The following CHMP5 variants were observed in gnomAD, a reference collection of about 807,000 sequenced individuals.
The protein encoded by CHMP5 is SNF7 domain containing 2.
CHMP5 carries 17 observed loss-of-function variants against 33.0 expected under a neutral mutation model. The ratio of observed to expected loss-of-function variants is 0.52; its 90% confidence interval spans 0.35 to 0.77. The LOEUF is 0.77. Among genes scored for constraint, CHMP5 ranks in the 30% least tolerant of loss-of-function variants. The pLI, the probability that CHMP5 is intolerant of heterozygous loss-of-function variation, is 0.01. For synonymous variants in CHMP5, 76 were observed against 90.2 expected, an observed-to-expected ratio of 0.84 and a Z score of 0.89; for missense variants, 216 against 261.5, an observed-to-expected ratio of 0.83 and a Z score of 1.20.
chr9:33,271,051 G>A, intron 4 of CHMP5, 101 bp from the exon 5 acceptor site: 2 of 932,180 alleles, frequency 2.1e-6, no homozygotes, highest in Non-Finnish European at 1.7e-6. Context: ...AGCCTGGGCA[G>A]CAAGAGTGCA....
chr9:33,273,659 G>C (rs952103467), intron 5 of CHMP5, among the ~76,000 whole-genome samples: 28 of 147,574 alleles, frequency 1.9e-4, no homozygotes, highest in African/African-American at 6.7e-4. Flanking sequence ...GTGTAGGTCT[G>C]TTTTTCTTCT....
chr9:33,272,920 T>C (rs1564086788), intron 5 of CHMP5, among the ~76,000 whole-genome samples: 1 of 152,244 alleles, frequency 6.6e-6, no homozygotes, highest in Non-Finnish European at 1.5e-5. Context: ...AATTAAACTT[T>C]GTGATACTCT....
intron 7 of CHMP5, 32 bp downstream of exon 7, chr9:33,278,257 A>AT: frequency 7.8e-7 from 1 of 1,283,716 alleles, no homozygotes; most frequent in Non-Finnish European, 1.1e-6. Context: ...ATTTCAATGC[A>AT]AAATAGCAAA....
intron 6 of CHMP5, chr9:33,277,848 A>C: frequency 3.3e-6 from 1 of 300,276 alleles, no homozygotes; most frequent in Non-Finnish European, 6.3e-6. Context: ...TTTTTTTTCC[A>C]CTTATTTCTT....
intron 1 of CHMP5, 51 bp downstream of exon 1, chr9:33,265,198 C>T (rs1224664647): frequency 6.4e-7 from 1 of 1,555,410 alleles, no homozygotes; most frequent in South Asian, 1.1e-5. Flanking sequence ...ACACACCCGA[C>T]CCCGCCCACC....
rs1211683342 is a variant in CHMP5, at chr9:33,281,105, C to T, written c.*246C>T. The T allele has an allele frequency of 1.2e-5, 5 of 401,174 alleles. No homozygotes were observed. The highest frequency in any genetic ancestry group is 5.9e-5 in the South Asian group (1 of 16,948). The allele number at this position is 401,174 out of a possible 1,614,324, so 24.9% of individuals were successfully genotyped here. A position where few individuals can be genotyped will look rare whatever the true frequency, so the allele number is the denominator to read the frequency against. The stretch of plus-strand genomic sequence containing the variant: ...ACTCAGTTTAAAAGTATTTTTAGCT[C>T]GTATGACTTGTTTTCATTCATTAAT... On this transcript the variant is annotated 3_prime_UTR_variant, in exon 8 of 8. Coordinates refer to ENST00000223500, the MANE Select transcript of CHMP5 (RefSeq NM_016410.6).
chr9:33,268,002 T>TAATTAC (rs1317419288), intron 3 of CHMP5, 103 bp downstream of exon 3: 2 of 780,934 alleles, frequency 2.6e-6, no homozygotes, highest in Non-Finnish European at 4.3e-6. Flanking sequence ...ACTCTTGATT[T>TAATTAC]AATTACAAAT....
At chr9:33,271,291 G>A in intron 5 of CHMP5, 68 bp downstream of exon 5, 1 of 1,254,272 alleles carries the variant, frequency 8.0e-7, no homozygotes, top group Non-Finnish European at 1.2e-6. Flanking sequence ...GAGTGTGCAT[G>A]TGATAGGAAG....
intron 7 of CHMP5, among the ~76,000 whole-genome samples, chr9:33,279,896 A>G (rs1269148007): frequency 2.0e-5 from 3 of 150,962 alleles, no homozygotes; most frequent in Non-Finnish European, 2.9e-5. Context: ...AAGTCCCTGA[A>G]GCATCTATGT....
intron 6 of CHMP5, chr9:33,277,842 T>C: frequency 3.4e-6 from 1 of 291,734 alleles, no homozygotes; most frequent in South Asian, 6.0e-5. Context: ...CTTTCATTTT[T>C]TTTCCACTTA....
chr9:33,265,653 G>T (rs1419776254), intron 1 of CHMP5, among the ~76,000 whole-genome samples: 1 of 152,210 alleles, frequency 6.6e-6, no homozygotes, highest in Non-Finnish European at 1.5e-5. Context: ...TCTACAATCA[G>T]CTGGTTTCAC....
intron 3 of CHMP5, among the ~76,000 whole-genome samples, chr9:33,270,167 G>A (rs1820776852): frequency 6.6e-6 from 1 of 152,130 alleles, no homozygotes. Context: ...CTTTTCTATA[G>A]GATGTTTAGA....
At chr9:33,267,156 G>GT (rs1216659207) in intron 2 of CHMP5, among the ~76,000 whole-genome samples, 1 of 152,184 alleles carries the variant, frequency 6.6e-6, no homozygotes, top group Non-Finnish European at 1.5e-5. Flanking sequence ...AATAATACCT[G>GT]TTTTTCCTTC....
intron 1 of CHMP5, 55 bp downstream of exon 1, chr9:33,265,202 G>T (rs1388004708): frequency 8.2e-7 from 1 of 1,225,678 alleles, no homozygotes; most frequent in Non-Finnish European, 1.1e-6. Context: ...ACCCGACCCC[G>T]CCCACCCCCA....
At chr9:33,265,917 C>G (rs1820713296) in intron 1 of CHMP5, 93 bp from the exon 2 acceptor site, 1 of 749,676 alleles carries the variant, frequency 1.3e-6, no homozygotes, top group Non-Finnish European at 2.2e-6. Context: ...TTAAGCTCCT[C>G]TTTTCTTCCT....
At position 33,265,958 on chromosome 9, in the gene CHMP5, T is replaced by G. The variant is rs74883194; in HGVS notation, c.70-52T>G. ...TTCCTTCCTCTCTACCTGCCCCTTC[T>G]GGAATAAGTGTATTGCAGTAACTAC... On this transcript the variant is annotated intron_variant, in intron 1 of 7. Transcript: ENST00000223500. 1.6e-3 allele frequency: 1,859 copies of G among 1,196,590 alleles called. 16 individuals carry two copies. In the African/African-American group the frequency reaches 0.024, roughly 15 times the overall value. The allele number at this position is 1,196,590 out of a possible 1,614,324, so 74.1% of individuals were successfully genotyped here. A position where few individuals can be genotyped will look rare whatever the true frequency, so the allele number is the denominator to read the frequency against.
chr9:33,271,109 C>T, intron 4 of CHMP5, 43 bp from the exon 5 acceptor site: 1 of 1,390,910 alleles, frequency 7.2e-7, no homozygotes, highest in Non-Finnish European at 1.0e-6. Context: ...ATTTAACCAA[C>T]ATGACTTACT....
chr9:33,278,850 C>T (rs536789910), intron 7 of CHMP5, among the ~76,000 whole-genome samples: 3 of 152,192 alleles, frequency 2.0e-5, no homozygotes, highest in Admixed American at 6.5e-5. Flanking sequence ...AAGTATCTCA[C>T]GTAATTGTTG....
At chr9:33,276,324 G>A (rs1419704941) in intron 5 of CHMP5, 132 bp from the exon 6 acceptor site, 3 of 588,198 alleles carry the variant, frequency 5.1e-6, no homozygotes, top group East Asian at 2.9e-5. Flanking sequence ...AACTGTTTAT[G>A]TGCTTGGCAT....
Sources: gnomAD v4.1 joint callset for allele counts (sites outside exome capture counted in the v4.1 genomes callset) on GRCh38, gnomAD v4.1.1 for gene constraint, MANE v1.5 for transcripts, NCBI Gene and HGNC (gene_info 2026-07-23, HGNC 2026-07-21) for gene names.